ECE1: variants seen among roughly 807,000 people sequenced by gnomAD.
The protein encoded by ECE1 is endothelin-converting enzyme 1.
ECE1 carries 35 observed loss-of-function variants against 98.6 expected under a neutral mutation model. That is an observed-to-expected ratio of 0.35 (90% CI 0.27 to 0.47). ECE1 has a LOEUF of 0.47. Ranked by LOEUF, ECE1 falls within the 20% of genes least tolerant of loss-of-function variation. The pLI is 1.00. For missense variants in ECE1, 814 were observed against 1,025.3 expected, an observed-to-expected ratio of 0.79 and a Z score of 2.81; for synonymous variants, 394 against 407.1, an observed-to-expected ratio of 0.97 and a Z score of 0.39.
chr1:21,290,365 C>A lies in ECE1; in HGVS notation c.50G>T (p.Gly17Val). The change falls in exon 1 of 19, where the codon GGG becomes GTG. Residue 17 changes from glycine (G) to valine (V), a missense_variant and splice_region_variant. Gly to Val is a moderately radical substitution (Grantham distance 109). This residue lies in a region of ECE1 where 257 missense variants were observed against 278.9 expected (regional missense o/e 0.92). Transcript: ENST00000374893. The surrounding 1 kb of genome is among the most constrained non-coding windows in gnomAD (Gnocchi z 7.3). ...CCCTCCAGGCCGCGCCCGCCTCACC[C>A]CCAGCGCCGACAGCAGGGCGGACAC... ...PPVSALLSALGMSTYKRATLD... is the reference protein window; with the variant it reads ...PPVSALLSALVMSTYKRATLD... 8.1e-7 allele frequency: 1 copy of A among 1,235,426 alleles called. No individual in the cohort carries two copies. The highest frequency in any genetic ancestry group is 1.0e-6 in the Non-Finnish European group (1 of 991,978). The allele number at this position is 1,235,426 out of a possible 1,614,324, so 76.5% of individuals were successfully genotyped here. A position where few individuals can be genotyped will look rare whatever the true frequency, so the allele number is the denominator to read the frequency against.
chr1:21,279,454 A>G (rs1288368609), intron 2 of ECE1, 122 bp from the exon 3 acceptor site: 3 of 1,560,672 alleles, frequency 1.9e-6, no homozygotes, highest in East Asian at 2.4e-5. Context: ...CTCCTGTCTC[A>G]GGGGTGGTCT....
chr1:21,243,014 T>G (rs1025731315), intron 10 of ECE1, among the ~76,000 whole-genome samples: 6 of 152,310 alleles, frequency 3.9e-5, no homozygotes, highest in African/African-American at 1.4e-4. Context: ...TCCCTCTTCC[T>G]CCATATCAGC....
intron 2 of ECE1, among the ~76,000 whole-genome samples, chr1:21,283,568 G>C (rs947755335): frequency 5.8e-4 from 88 of 152,308 alleles, no homozygotes; most frequent in African/African-American, 2.0e-3. Flanking sequence ...ACTGCACCCA[G>C]CCTATCTTCA....
rs71014187 is a variant in ECE1 at position 21,342,607 on chromosome 1, TACACACACACACAC to T, written c.3+2755_3+2768del. ...ACACAGACACACAGACACACACAGATACACACACACACACACACACACACACACACACACACACA... is the reference window on the plus strand; with the variant it reads ...ACACAGACACACAGACACACACAGATACACACACACACACACACACACACA... On this transcript the variant is annotated intron_variant, in intron 1 of 18. Coordinates refer to the ECE1 transcript ENST00000415912. Among the ~76,000 whole-genome samples, 82 of 139,824 alleles carry T rather than the reference TACACACACACACAC, an allele frequency of 5.9e-4. 1 individual carries two copies. The highest frequency in any genetic ancestry group is 5.7e-3 in the East Asian group (27 of 4,702). The allele number at this position is 139,824 out of a possible 152,430, so 91.7% of individuals were successfully genotyped here.
intron 1 of ECE1, among the ~76,000 whole-genome samples, chr1:21,296,951 C>T (rs1243827375): frequency 1.3e-5 from 2 of 152,126 alleles, no homozygotes; most frequent in African/African-American, 4.8e-5. Context: ...TGGGCAGGGG[C>T]TGGGGAGGCC....
intron 1 of ECE1, among the ~76,000 whole-genome samples, chr1:21,332,177 T>C (rs1639212373): frequency 6.6e-6 from 1 of 152,094 alleles, no homozygotes; most frequent in South Asian, 2.1e-4. Context: ...CCCGAGTCCC[T>C]TCCCCTTTCT....
At chr1:21,289,529 G>T (rs562329836) in intron 2 of ECE1, among the ~76,000 whole-genome samples, 1 of 152,178 alleles carries the variant, frequency 6.6e-6, no homozygotes, top group East Asian at 1.9e-4. Flanking sequence ...GCAGGGAGAG[G>T]GGGCAGAGAA....
chr1:21,325,232 G>C (rs991986606), intron 1 of ECE1, among the ~76,000 whole-genome samples: 29 of 151,684 alleles, frequency 1.9e-4, no homozygotes, highest in African/African-American at 5.8e-4. Context: ...CTGATGGCTT[G>C]TTTCTGCTCC....
intron 1 of ECE1, among the ~76,000 whole-genome samples, chr1:21,335,710 T>C (rs1321639083): frequency 6.6e-6 from 1 of 152,154 alleles, no homozygotes; most frequent in African/African-American, 2.4e-5. Flanking sequence ...TTCTGCAAGC[T>C]ACAGGCCAGC....
intron 4 of ECE1, among the ~76,000 whole-genome samples, chr1:21,262,636 G>C (rs2098228512): frequency 6.6e-6 from 1 of 152,204 alleles, no homozygotes; most frequent in Non-Finnish European, 1.5e-5. Context: ...GAGGCCTAAA[G>C]AACAGCTCCC....
rs1010228795 is a variant in ECE1 at position 21,258,655 on chromosome 1, C to T, written c.762+38G>A. ...AAACTCAAAACAGGAAGAGGTCGTGCCCGCCCCCTCGACCGCTGCAGGTTC... is the reference window on the plus strand; with the variant it reads ...AAACTCAAAACAGGAAGAGGTCGTGTCCGCCCCCTCGACCGCTGCAGGTTC... On this transcript the variant is annotated intron_variant, in intron 6 of 18. Coordinates refer to ENST00000374893, the MANE Select transcript of ECE1 (RefSeq NM_001397.3). This position sits in a 1 kb window ranked among gnomAD's most constrained non-coding sequence, Gnocchi z 4.2. 1 of 1,499,364 alleles carries T rather than the reference C, an allele frequency of 6.7e-7. No individual in the cohort carries two copies. Among genetic ancestry groups the T allele is most frequent in the Non-Finnish European group, 9.0e-7 (1 of 1,109,380 alleles). 92.9% of individuals were successfully genotyped at this position (1,499,364 alleles called of 1,614,324 possible).
intron 1 of ECE1, among the ~76,000 whole-genome samples, chr1:21,341,839 T>C (rs12071787): frequency 0.1 from 15,143 of 151,736 alleles, 2,494 homozygotes; most frequent in African/African-American, 0.34. Flanking sequence ...GGTCTCACTA[T>C]GTTGCCCTGG....
At chr1:21,244,149 G>T (rs1364510602) in intron 10 of ECE1, among the ~76,000 whole-genome samples, 1 of 152,148 alleles carries the variant, frequency 6.6e-6, no homozygotes, top group African/African-American at 2.4e-5. Flanking sequence ...TGTCTGGGTT[G>T]GGGAAGCTGT....
chr1:21,275,646 T>A (rs1158485652), intron 3 of ECE1, among the ~76,000 whole-genome samples: 1 of 152,208 alleles, frequency 6.6e-6, no homozygotes, highest in Non-Finnish European at 1.5e-5. Context: ...ACTAAGTGCC[T>A]ACTTTGCTGG....
chr1:21,233,770 G>GATTA lies in ECE1; in HGVS notation c.1567-110_1567-109insTAAT. On this transcript the variant is annotated intron_variant, in intron 13 of 18. Transcript: ENST00000374893. This position sits in a 1 kb window ranked among gnomAD's most constrained non-coding sequence, Gnocchi z 4.0. Reference sequence around the variant, plus strand: ...TTAAGAGATTAATCTGCAGGCTGGAGACCGGAATGCAGGGCTTGGGGCTGC... The same window carrying GATTA: ...TTAAGAGATTAATCTGCAGGCTGGAGATTAACCGGAATGCAGGGCTTGGGGCTGC... The GATTA allele has an allele frequency of 9.7e-7, 1 of 1,034,334 alleles. No individual in the cohort carries two copies. Among genetic ancestry groups the GATTA allele is most frequent in the Non-Finnish European group, 1.5e-6 (1 of 682,382 alleles). The allele number at this position is 1,034,334 out of a possible 1,614,324, so 64.1% of individuals were successfully genotyped here.
intron 3 of ECE1, among the ~76,000 whole-genome samples, chr1:21,274,777 CTT>C (rs2098244554): frequency 6.6e-6 from 1 of 152,140 alleles, no homozygotes; most frequent in African/African-American, 2.4e-5. Flanking sequence ...GGTGATCTGA[CTT>C]TGAGATAATC....
At chr1:21,263,691 T>G (rs1389984101) in intron 4 of ECE1, among the ~76,000 whole-genome samples, 1 of 151,238 alleles carries the variant, frequency 6.6e-6, no homozygotes, top group Non-Finnish European at 1.5e-5. Context: ...ATCGGGCAGG[T>G]GGGGCAGGAG....
intron 10 of ECE1, among the ~76,000 whole-genome samples, chr1:21,243,694 G>A (rs1421128014): frequency 6.6e-6 from 1 of 152,252 alleles, no homozygotes; most frequent in African/African-American, 2.4e-5. Flanking sequence ...AGTCCCCTGG[G>A]AGGCCAAGTT....
In ECE1 at chr1:21,219,736, C is replaced by T. The variant is rs539098899; in HGVS notation, c.*219G>A. 20 of 611,378 alleles carry T rather than the reference C, an allele frequency of 3.3e-5. No homozygotes were observed. Among genetic ancestry groups the T allele is most frequent in the African/African-American group, 1.8e-4 (10 of 54,816 alleles). The allele number at this position is 611,378 out of a possible 1,614,324, so 37.9% of individuals were successfully genotyped here. A position where few individuals can be genotyped will look rare whatever the true frequency, so the allele number is the denominator to read the frequency against. On this transcript the variant is annotated 3_prime_UTR_variant, in exon 19 of 19. Coordinates refer to ENST00000374893, the MANE Select transcript of ECE1 (RefSeq NM_001397.3). The surrounding 1 kb of genome is among the most constrained non-coding windows in gnomAD (Gnocchi z 4.5). The stretch of plus-strand genomic sequence containing the variant: ...GCACCCGAATGCCTGCTGAAGGTGG[C>T]GCACACGTGTGCCTGGGATGTCCGG...
Sources: allele counts gnomAD v4.1 joint callset (sites outside exome capture counted in the v4.1 genomes callset), GRCh38; gene constraint gnomAD v4.1.1; regional missense constraint gnomAD v4.1.1; non-coding constraint Gnocchi (gnomAD v3.1); transcripts MANE v1.5; gene names NCBI Gene and HGNC (gene_info 2026-07-23, HGNC 2026-07-21).